PCDHGA2: variants seen among roughly 807,000 people sequenced by gnomAD.
PCDHGA2 encodes protocadherin gamma subfamily A, 2.
PCDHGA2 carries 40 observed loss-of-function variants against 59.2 expected under a neutral mutation model. The ratio of observed to expected loss-of-function variants is 0.68; its 90% CI spans 0.52 to 0.88. The LOEUF is 0.88. Among genes scored for constraint, PCDHGA2 ranks in the 40% least tolerant of loss-of-function variants. The probability of loss-of-function intolerance (pLI) is 0.00; values close to 1 mark genes in which losing one functional copy is unlikely to be tolerated. For missense variants in PCDHGA2, 1,226 were observed against 1,204.0 expected, an observed-to-expected ratio of 1.02 and a Z score of -0.27; for synonymous variants, 560 against 526.0, an observed-to-expected ratio of 1.06 and a Z score of -0.89.
chr5:141,413,302 T>C (rs746274089), intron 1 of PCDHGA2: 2 of 1,613,960 alleles, frequency 1.2e-6, no homozygotes, highest in Non-Finnish European at 8.5e-7. Context: ...TCCTGAGGAA[T>C]TAGAGAAAGG....
intron 1 of PCDHGA2, chr5:141,424,468 C>A (rs1301878037): frequency 1.3e-5 from 2 of 152,072 alleles, no homozygotes; most frequent in South Asian, 2.1e-4. Context: ...TCCTTTTATT[C>A]TTTTACTTTG....
intron 1 of PCDHGA2, chr5:141,373,873 G>C: frequency 2.1e-6 from 1 of 480,742 alleles, no homozygotes; most frequent in Admixed American, 3.9e-5. Context: ...ACCTGGGCAA[G>C]AAAATCAACG....
chr5:141,360,446 T>C, intron 1 of PCDHGA2: 1 of 1,614,014 alleles, frequency 6.2e-7, no homozygotes, highest in Non-Finnish European at 8.5e-7. Flanking sequence ...CTGTGTGTTC[T>C]GGATTTCGAT....
At position 141,351,571 on chromosome 5, in the gene PCDHGA2, C is replaced by T. The variant is rs370102258; in HGVS notation, c.2424+10176C>T. 24 of 1,613,956 alleles carry T rather than the reference C, an allele frequency of 1.5e-5. No homozygotes were observed. In the African/African-American group the frequency reaches 2.4e-4, roughly 16 times the overall value. On this transcript the variant is annotated intron_variant, in intron 1 of 3. Coordinates refer to ENST00000394576, the MANE Select transcript of PCDHGA2 (RefSeq NM_018915.4). Reference sequence around the variant, plus strand: ...CCTCCAGGACAAGCATCACCCTGCACATCTCCGACATCAACGACAATGCAC... The same window carrying T: ...CCTCCAGGACAAGCATCACCCTGCATATCTCCGACATCAACGACAATGCAC...
At chr5:141,390,150 C>T (rs768850867) in intron 1 of PCDHGA2, 1 of 1,613,916 alleles carries the variant, frequency 6.2e-7, no homozygotes, top group African/African-American at 1.3e-5. Flanking sequence ...ATGTGTTGCA[C>T]ATACAGGAAA....
Position 141,366,042 on chromosome 5 carries a change from G to T in PCDHGA2, c.2424+24647G>T, listed in dbSNP as rs1221134506. 8.1e-6 allele frequency: 13 copies of T among 1,614,242 alleles called. No individual in the cohort carries two copies. In the Middle Eastern group the frequency reaches 4.9e-4, roughly 61 times the overall value. The stretch of plus-strand genomic sequence containing the variant: ...CTGTACCCCGCCCTCCCCACAGACG[G>T]TTCCACGGGCGTGGAGCTGGCGCCT... On this transcript the variant is annotated intron_variant, in intron 1 of 3. Transcript: ENST00000394576.
Position 141,431,948 on chromosome 5 carries a change from T to G in PCDHGA2, c.2425-62859T>G. ...AAATCTGCCCTTTAAATTAGAAAAA[T>G]CTTACGGAAATTACTATAGTTTAGT... is the stretch of plus-strand genomic sequence containing the variant. On this transcript the variant is annotated intron_variant, in intron 1 of 3. Transcript: ENST00000394576. The surrounding 1 kb of genome is among the most constrained non-coding windows in gnomAD (Gnocchi z 4.8). The G allele has an allele frequency of 6.2e-7, 1 of 1,614,076 alleles. No homozygotes were observed. The highest frequency in any genetic ancestry group is 8.5e-7 in the Non-Finnish European group (1 of 1,180,006).
intron 1 of PCDHGA2, chr5:141,392,819 C>T (rs1346235587): frequency 1.4e-5 from 22 of 1,590,378 alleles, no homozygotes; most frequent in Non-Finnish European, 8.6e-6. Flanking sequence ...CAACAATGGC[C>T]GCTCCACAGA....
intron 3 of PCDHGA2, among the ~76,000 whole-genome samples, chr5:141,506,012 T>C (rs2099850012): frequency 6.6e-6 from 1 of 152,208 alleles, no homozygotes; most frequent in Non-Finnish European, 1.5e-5. Context: ...CCTCTTTTGC[T>C]GCCCCTAACT....
At chr5:141,364,533 C>T (rs1296809092) in intron 1 of PCDHGA2, 2 of 1,614,094 alleles carry the variant, frequency 1.2e-6, no homozygotes, top group Non-Finnish European at 1.7e-6. Flanking sequence ...CGCATCGTCT[C>T]CAGAGGTAGG....
At chr5:141,375,066 G>A (rs1463444937) in intron 1 of PCDHGA2, 7 of 1,613,872 alleles carry the variant, frequency 4.3e-6, no homozygotes, top group Admixed American at 1.7e-5. Flanking sequence ...CCAGGTCTTC[G>A]AGACAGAGCG....
intron 1 of PCDHGA2, chr5:141,394,054 AT>A: frequency 6.2e-7 from 1 of 1,613,802 alleles, no homozygotes; most frequent in Non-Finnish European, 8.5e-7. Flanking sequence ...GACCGAGAAA[AT>A]GTCTCTATCT....
intron 1 of PCDHGA2, chr5:141,360,515 A>G (rs761181928): frequency 6.2e-7 from 1 of 1,613,898 alleles, no homozygotes. Flanking sequence ...CAGGATATAA[A>G]TGATAATACC....
intron 1 of PCDHGA2, chr5:141,383,082 G>A: frequency 1.2e-6 from 2 of 1,613,934 alleles, no homozygotes; most frequent in African/African-American, 2.7e-5. Context: ...AGCTGGCGGA[G>A]CGCGGAGTCC....
At chr5:141,371,159 G>T in intron 1 of PCDHGA2, 2 of 1,614,024 alleles carry the variant, frequency 1.2e-6, no homozygotes, top group Non-Finnish European at 1.7e-6. Context: ...CAGAGAACCT[G>T]CCCGCTGGCT....
chr5:141,397,972 G>A lies in PCDHGA2; in HGVS notation c.2424+56577G>A. 2.6e-6 allele frequency: 3 copies of A among 1,155,562 alleles called. No homozygotes were observed. In the South Asian group the frequency reaches 4.9e-5, roughly 19 times the overall value. The allele number at this position is 1,155,562 out of a possible 1,614,324, so 71.6% of individuals were successfully genotyped here. A position where few individuals can be genotyped will look rare whatever the true frequency, so the allele number is the denominator to read the frequency against. On this transcript the variant is annotated intron_variant, in intron 1 of 3. Transcript: ENST00000394576. ...GCAGCCCCAGCTCAGACTCCCCAGC[G>A]CCGGCCTTTACACCGCTTCCTCCTC...
chr5:141,356,192 G>GC (rs1165410073), intron 1 of PCDHGA2: 2 of 1,609,924 alleles, frequency 1.2e-6, no homozygotes, highest in African/African-American at 2.7e-5. Flanking sequence ...CGAGCTAGAA[G>GC]CAAGGTACTG....
chr5:141,374,310 C>T, intron 1 of PCDHGA2: 3 of 1,614,006 alleles, frequency 1.9e-6, no homozygotes, highest in Non-Finnish European at 1.7e-6. Flanking sequence ...CAGCTTTTCT[C>T]TCTGAATCCG....
chr5:141,363,333 A>G (rs899178118), intron 1 of PCDHGA2, among the ~76,000 whole-genome samples: 3 of 152,286 alleles, frequency 2.0e-5, no homozygotes, highest in Non-Finnish European at 2.9e-5. Flanking sequence ...GTTATTAAAT[A>G]AAATGACTTT....
Sources: allele counts gnomAD v4.1 joint callset (sites outside exome capture counted in the v4.1 genomes callset), GRCh38; gene constraint gnomAD v4.1.1; non-coding constraint Gnocchi (gnomAD v3.1); transcripts MANE v1.5; gene names NCBI Gene and HGNC (gene_info 2026-07-23, HGNC 2026-07-21).